PLCB1: variants seen among roughly 807,000 people sequenced by gnomAD.
PLCB1 encodes 1-phosphatidylinositol 4,5-bisphosphate phosphodiesterase beta-1.
Under a neutral mutation model 161.8 loss-of-function variants are expected in PLCB1, and 46 were observed. The ratio of observed to expected loss-of-function variants is 0.28; its 90% CI spans 0.22 to 0.36. The LOEUF is 0.36. Ranked by LOEUF, PLCB1 falls within the 10% of genes least tolerant of loss-of-function variation. The pLI is 1.00. For missense variants in PLCB1, 1,016 were observed against 1,472.5 expected (o/e 0.69, Z 5.07); for synonymous variants, 517 against 503.7 (o/e 1.03, Z -0.35).
chr20:8,802,094 T>C, intron 31 of PLCB1: 1 of 1,613,104 alleles, frequency 6.2e-7, no homozygotes, highest in Non-Finnish European at 8.5e-7. Flanking sequence ...AAACTTGCCA[T>C]GAGGATCCCT....
intron 21 of PLCB1, among the ~76,000 whole-genome samples, chr20:8,740,022 T>TTTTAAAAA (rs1260853483): frequency 6.6e-6 from 1 of 152,096 alleles, no homozygotes; most frequent in Non-Finnish European, 1.5e-5. Flanking sequence ...AATAACAATT[T>TTTTAAAAA]TTTAAAAAAA....
At chr20:8,759,073 C>A (rs1487198455) in intron 24 of PLCB1, among the ~76,000 whole-genome samples, 1 of 152,198 alleles carries the variant, frequency 6.6e-6, no homozygotes. Flanking sequence ...CTCCTTTAAT[C>A]TATGGCAGTC....
intron 27 of PLCB1, among the ~76,000 whole-genome samples, chr20:8,779,623 G>C (rs1983116460): frequency 1.3e-5 from 2 of 151,578 alleles, no homozygotes; most frequent in African/African-American, 2.4e-5. Context: ...TCACCTAGGA[G>C]TGTGTTAGAC....
intron 3 of PLCB1, among the ~76,000 whole-genome samples, chr20:8,479,889 T>G (rs985660465): frequency 6.6e-6 from 1 of 152,212 alleles, no homozygotes; most frequent in African/African-American, 2.4e-5. Context: ...CAAATCTATA[T>G]GCACAAAGCA....
chr20:8,421,767 G>T (rs1381190258), intron 3 of PLCB1, among the ~76,000 whole-genome samples: 7 of 152,100 alleles, frequency 4.6e-5, no homozygotes, highest in African/African-American at 1.7e-4. Context: ...TAGACGAACG[G>T]CATCAGCATC....
chr20:8,135,834 T>C (rs1205543650), intron 1 of PLCB1, among the ~76,000 whole-genome samples: 1 of 152,158 alleles, frequency 6.6e-6, no homozygotes, highest in Non-Finnish European at 1.5e-5. Flanking sequence ...AGGAGGTGGG[T>C]GTAAAGGACT....
At chr20:8,504,775 A>C (rs1363026000) in intron 3 of PLCB1, among the ~76,000 whole-genome samples, 1 of 152,200 alleles carries the variant, frequency 6.6e-6, no homozygotes, top group African/African-American at 2.4e-5. Context: ...TGAAATCTAT[A>C]GCACCACTGA....
At chr20:8,232,584 C>T (rs755847362) in intron 2 of PLCB1, among the ~76,000 whole-genome samples, 3 of 152,150 alleles carry the variant, frequency 2.0e-5, no homozygotes, top group Non-Finnish European at 4.4e-5. Context: ...TTTGGAGTCT[C>T]TCATTTGCTT....
At chr20:8,590,992 C>G (rs1436105853) in intron 3 of PLCB1, among the ~76,000 whole-genome samples, 1 of 152,064 alleles carries the variant, frequency 6.6e-6, no homozygotes, top group Non-Finnish European at 1.5e-5. Flanking sequence ...GACCTTCCAA[C>G]AGGCCCCAGT....
chr20:8,734,072 G>A (rs1245184091), intron 19 of PLCB1, among the ~76,000 whole-genome samples: 1 of 126,612 alleles, frequency 7.9e-6, no homozygotes, highest in South Asian at 2.7e-4. Context: ...AGCTTGCAGA[G>A]AGCCCAGATC....
chr20:8,825,684 G>A (rs1017874656), intron 31 of PLCB1, among the ~76,000 whole-genome samples: 1 of 152,220 alleles, frequency 6.6e-6, no homozygotes, highest in African/African-American at 2.4e-5. Flanking sequence ...GCTGAAGGTA[G>A]TGATATGATC....
rs73593759 is a variant in PLCB1 at position 8,474,907 on chromosome 20, C to T, written c.246+103457C>T. Among the ~76,000 whole-genome samples the T allele has an allele frequency of 7.8e-3, 1,191 of 152,138 alleles. 18 individuals are homozygous for T. The highest frequency in any genetic ancestry group is 0.027 in the African/African-American group (1,130 of 41,486). On this transcript the variant is annotated intron_variant, in intron 3 of 31. Coordinates refer to ENST00000338037, the MANE Select transcript of PLCB1 (RefSeq NM_015192.4). ...ATTCCATAATATTCTGCTGCTTTCA[C>T]CTGAAGTTCGCCAGGTATGATTAAA...
intron 2 of PLCB1, among the ~76,000 whole-genome samples, chr20:8,223,730 C>G (rs73897341): frequency 6.6e-6 from 1 of 152,050 alleles, no homozygotes; most frequent in Non-Finnish European, 1.5e-5. Context: ...CAAACACATG[C>G]GTGCAGATTA....
At chr20:8,198,147 T>C in intron 2 of PLCB1, among the ~76,000 whole-genome samples, 1 of 152,160 alleles carries the variant, frequency 6.6e-6, no homozygotes, top group Non-Finnish European at 1.5e-5. Context: ...ATGCGGGCTC[T>C]TTTTTCGTTC....
At chr20:8,294,136 A>T (rs1287166552) in intron 2 of PLCB1, among the ~76,000 whole-genome samples, 1 of 152,208 alleles carries the variant, frequency 6.6e-6, no homozygotes, top group Non-Finnish European at 1.5e-5. Context: ...CCTAAATTAT[A>T]TATTTAGAAA....
At chr20:8,524,936 T>C (rs1466976258) in intron 3 of PLCB1, among the ~76,000 whole-genome samples, 1 of 152,182 alleles carries the variant, frequency 6.6e-6, no homozygotes, top group Non-Finnish European at 1.5e-5. Flanking sequence ...TGCACCTACT[T>C]CCTAGTGCCT....
At chr20:8,412,375 G>C (rs987687577) in intron 3 of PLCB1, among the ~76,000 whole-genome samples, 5 of 152,168 alleles carry the variant, frequency 3.3e-5, no homozygotes, top group Non-Finnish European at 5.9e-5. Context: ...CCCCACTGTG[G>C]GGTTCCAGAG....
chr20:8,586,943 C>T lies in PLCB1; in HGVS notation c.247-41351C>T, dbSNP rs116681837. Among the ~76,000 whole-genome samples, 952 of 152,104 alleles carry T rather than the reference C, an allele frequency of 6.3e-3. 5 individuals carry two copies. Among genetic ancestry groups the T allele is most frequent in the African/African-American group, 0.022 (907 of 41,484 alleles). On this transcript the variant is annotated intron_variant, in intron 3 of 31. Transcript: ENST00000338037. ...TCTGCGAGATAGAAATTCCTAGCCT[C>T]GCATTTTAGTTTAAAAAGTTTTAGT...
At chr20:8,826,114 T>C (rs914652264) in intron 31 of PLCB1, among the ~76,000 whole-genome samples, 14 of 152,104 alleles carry the variant, frequency 9.2e-5, no homozygotes, top group African/African-American at 2.9e-4. Context: ...CACTTTGGAA[T>C]TGAGAAGAGA....
Sources: gnomAD v4.1 joint callset for allele counts (sites outside exome capture counted in the v4.1 genomes callset) on GRCh38, gnomAD v4.1.1 for gene constraint, MANE v1.5 for transcripts, NCBI Gene and HGNC (gene_info 2026-07-23, HGNC 2026-07-21) for gene names.